Variants in KCNB2 observed in about 807,000 individuals in gnomAD.
The protein encoded by KCNB2 is potassium voltage-gated channel subfamily B member 2.
In KCNB2, 15 loss-of-function variants were observed where a neutral mutation model predicts 61.5. The observed-to-expected ratio is 0.24, with a 90% CI of 0.16 to 0.38. The LOEUF (loss-of-function observed/expected upper bound fraction) is 0.38. Among genes scored for constraint, KCNB2 ranks in the 10% least tolerant of loss-of-function variants. KCNB2 has a pLI of 1.00. For synonymous variants in KCNB2, 457 were observed against 446.0 expected (o/e 1.02, Z -0.31); for missense variants, 828 against 1,125.2 (o/e 0.74, Z 3.78).
chr8:72,673,413 G>C (rs1489004821), intron 2 of KCNB2, among the ~76,000 whole-genome samples: 2 of 152,056 alleles, frequency 1.3e-5, no homozygotes, highest in Non-Finnish European at 2.9e-5. Flanking sequence ...TCTCCTTCCT[G>C]CCACCATGTG....
intron 2 of KCNB2, among the ~76,000 whole-genome samples, chr8:72,574,884 C>T (rs1019721718): frequency 2.0e-5 from 3 of 151,910 alleles, no homozygotes; most frequent in African/African-American, 7.3e-5. Flanking sequence ...TTTAGGTAAG[C>T]GTAAGTGTTA....
At chr8:72,868,306 G>A (rs189482198) in intron 2 of KCNB2, among the ~76,000 whole-genome samples, 35 of 151,700 alleles carry the variant, frequency 2.3e-4, no homozygotes, top group African/African-American at 7.7e-4. Flanking sequence ...CTGGCCGGGC[G>A]CAGTGGCTCA....
intron 2 of KCNB2, among the ~76,000 whole-genome samples, chr8:72,609,067 A>G (rs190682429): frequency 7.0e-4 from 106 of 152,328 alleles, no homozygotes; most frequent in Non-Finnish European, 1.2e-3. Flanking sequence ...TAGAATGAGA[A>G]GAAGTATGAG....
At chr8:72,927,316 G>T (rs558530127) in intron 2 of KCNB2, among the ~76,000 whole-genome samples, 1 of 151,702 alleles carries the variant, frequency 6.6e-6, no homozygotes, top group Non-Finnish European at 1.5e-5. Context: ...TGTTGCTCAG[G>T]CTGGAGTGCA....
At chr8:72,694,014 T>G (rs1806980267) in intron 2 of KCNB2, among the ~76,000 whole-genome samples, 2 of 152,220 alleles carry the variant, frequency 1.3e-5, no homozygotes, top group African/African-American at 4.8e-5. Flanking sequence ...ATGATATATT[T>G]ACATTGGGAA....
intron 2 of KCNB2, among the ~76,000 whole-genome samples, chr8:72,634,722 A>G (rs1362236663): frequency 6.6e-6 from 1 of 152,232 alleles, no homozygotes; most frequent in Non-Finnish European, 1.5e-5. Context: ...ACCTAATTAA[A>G]GAGAATAATG....
chr8:72,824,049 G>GT (rs1809556398), intron 2 of KCNB2, among the ~76,000 whole-genome samples: 1 of 152,198 alleles, frequency 6.6e-6, no homozygotes, highest in Non-Finnish European at 1.5e-5. Flanking sequence ...GAGTAATATT[G>GT]TTCTTGTCCA....
chr8:72,700,433 A>G (rs1202738990), intron 2 of KCNB2, among the ~76,000 whole-genome samples: 1 of 152,170 alleles, frequency 6.6e-6, no homozygotes, highest in Non-Finnish European at 1.5e-5. Flanking sequence ...AAGAAGACAG[A>G]CAAGTGGCCA....
At chr8:72,827,873 C>T (rs1277226130) in intron 2 of KCNB2, among the ~76,000 whole-genome samples, 5 of 151,412 alleles carry the variant, frequency 3.3e-5, no homozygotes, top group Middle Eastern at 3.4e-3. Context: ...ACTCCAATGG[C>T]GTGATCACGG....
intron 2 of KCNB2, among the ~76,000 whole-genome samples, chr8:72,710,052 A>G (rs890803262): frequency 2.0e-5 from 3 of 152,184 alleles, no homozygotes; most frequent in African/African-American, 7.2e-5. Flanking sequence ...TGCACTTCCC[A>G]GTCCGGGGAG....
Position 72,785,799 on chromosome 8 carries a change from A to G in KCNB2, c.580-150136A>G, listed in dbSNP as rs1229815509. Among the ~76,000 whole-genome samples, 3 of 152,162 alleles carry G rather than the reference A, an allele frequency of 2.0e-5. No homozygotes were observed. The East Asian group carries it at 5.8e-4, about 29-fold the overall frequency. ...TCAGGAACTAAATGTAGAAGATGAGATTCCTTCATTCAGTAACTACTGAGT... is the reference window on the plus strand; with the variant it reads ...TCAGGAACTAAATGTAGAAGATGAGGTTCCTTCATTCAGTAACTACTGAGT... On this transcript the variant is annotated intron_variant, in intron 2 of 2. Coordinates refer to ENST00000523207, the MANE Select transcript of KCNB2 (RefSeq NM_004770.3).
intron 2 of KCNB2, among the ~76,000 whole-genome samples, chr8:72,668,010 A>G (rs1427924403): frequency 1.3e-5 from 2 of 152,186 alleles, no homozygotes; most frequent in Non-Finnish European, 2.9e-5. Context: ...TTAGAAAACT[A>G]GTTGTACTCA....
At chr8:72,826,483 A>G (rs2129001508) in intron 2 of KCNB2, among the ~76,000 whole-genome samples, 1 of 152,348 alleles carries the variant, frequency 6.6e-6, no homozygotes, top group Middle Eastern at 3.4e-3. Flanking sequence ...GTTTGCAAGC[A>G]TATGACAGGG....
intron 1 of KCNB2, among the ~76,000 whole-genome samples, chr8:72,557,823 A>G (rs1806451913): frequency 6.6e-6 from 1 of 152,166 alleles, no homozygotes; most frequent in African/African-American, 2.4e-5. Flanking sequence ...GGCAACAATA[A>G]TTACTAGAGA....
At chr8:72,860,900 T>A (rs929959856) in intron 2 of KCNB2, among the ~76,000 whole-genome samples, 3 of 152,252 alleles carry the variant, frequency 2.0e-5, no homozygotes, top group Non-Finnish European at 2.9e-5. Flanking sequence ...TTGTTTTTAA[T>A]GTGTGTGTAT....
chr8:72,752,233 G>A (rs1808202667), intron 2 of KCNB2, among the ~76,000 whole-genome samples: 1 of 152,134 alleles, frequency 6.6e-6, no homozygotes, highest in South Asian at 2.1e-4. Context: ...CATGAAAGAT[G>A]ATCATAAAAC....
chr8:72,899,191 A>G (rs1056403129), intron 2 of KCNB2, among the ~76,000 whole-genome samples: 1 of 152,154 alleles, frequency 6.6e-6, no homozygotes, highest in Non-Finnish European at 1.5e-5. Context: ...AAAACCCAAT[A>G]TCCCTTCATG....
At chr8:72,834,714 C>T (rs1809753494) in intron 2 of KCNB2, among the ~76,000 whole-genome samples, 1 of 152,008 alleles carries the variant, frequency 6.6e-6, no homozygotes. Flanking sequence ...AAGGATGCAC[C>T]CAACCTGGGC....
At chr8:72,930,834 G>A (rs1806766646) in intron 2 of KCNB2, among the ~76,000 whole-genome samples, 1 of 152,120 alleles carries the variant, frequency 6.6e-6, no homozygotes. Context: ...GGTTTTTGTT[G>A]CCATTGCTTT....
Sources: gnomAD v4.1 joint callset for allele counts (sites outside exome capture counted in the v4.1 genomes callset) on GRCh38, gnomAD v4.1.1 for gene constraint, MANE v1.5 for transcripts, NCBI Gene and HGNC (gene_info 2026-07-23, HGNC 2026-07-21) for gene names.